The following ARID3B variants were observed in gnomAD, a reference collection of about 807,000 sequenced individuals.
ARID3B encodes AT-rich interaction domain 3B, also known as AT-rich interactive domain-containing protein 3B.
ARID3B carries 10 observed loss-of-function variants against 51.9 expected under a neutral mutation model. The ratio of observed to expected loss-of-function variants is 0.19; its 90% CI spans 0.12 to 0.33. The LOEUF is 0.33. Ranked by LOEUF, ARID3B falls within the 10% of genes least tolerant of loss-of-function variation. The pLI is 1.00. For synonymous variants in ARID3B, 205 were observed against 279.5 expected (o/e 0.73, Z 2.66); for missense variants, 483 against 716.3 (o/e 0.67, Z 3.72).
intron 2 of ARID3B, among the ~76,000 whole-genome samples, chr15:74,555,785 T>C (rs1261718245): frequency 7.0e-6 from 1 of 142,380 alleles, no homozygotes; most frequent in Admixed American, 7.5e-5. Flanking sequence ...GAGCTGTATT[T>C]CTTTTTTTTT....
rs1220158981 is a variant in ARID3B at position 74,591,170 on chromosome 15, G to A, written c.901G>A (p.Ala301Thr). ...LRTQYMKYLYAYECEKKALSS... is the reference protein window; with the variant it reads ...LRTQYMKYLYTYECEKKALSS... ...CTCCAGGTACATGAAGTATCTGTAT[G>A]CCTATGAGTGTGAGAAGAAAGCCTT... The change falls in exon 6 of 9, where the codon GCC becomes ACC. Residue 301 changes from alanine (A) to threonine (T), a missense_variant. Physicochemically the swap from Ala to Thr is moderately conservative, Grantham distance 58. Transcript: ENST00000346246. The surrounding 1 kb of genome is among the most constrained non-coding windows in gnomAD (Gnocchi z 5.8). 6.2e-7 allele frequency: 1 copy of A among 1,609,188 alleles called. No homozygotes were observed. Among genetic ancestry groups the A allele is most frequent in the East Asian group, 2.2e-5 (1 of 44,722 alleles).
intron 4 of ARID3B, among the ~76,000 whole-genome samples, chr15:74,586,879 A>G (rs1250417452): frequency 2.6e-5 from 4 of 152,198 alleles, no homozygotes; most frequent in African/African-American, 9.6e-5. Context: ...AAATTCTGAG[A>G]GGGAAGAAAC....
At chr15:74,578,985 G>T (rs1218699097) in intron 4 of ARID3B, among the ~76,000 whole-genome samples, 1 of 152,212 alleles carries the variant, frequency 6.6e-6, no homozygotes, top group African/African-American at 2.4e-5. Context: ...TGAAAGGCCC[G>T]GAGACACCCA....
At position 74,598,056 on chromosome 15, in the gene ARID3B, T is replaced by A. The variant is rs1354447133; in HGVS notation, c.*2282T>A. On this transcript the variant is annotated 3_prime_UTR_variant, in exon 9 of 9. Coordinates refer to ENST00000346246, the MANE Select transcript of ARID3B (RefSeq NM_006465.4). ...CAGATGTCCTCCTGCAGCAAGTGTC[T>A]ATATGTTGTGGTTATTTTCTATCTT... The A allele has an allele frequency of 1.9e-6, 1 of 527,134 alleles. No individual in the cohort carries two copies. The highest frequency in any genetic ancestry group is 1.9e-5 in the African/African-American group (1 of 53,412). 32.7% of individuals were successfully genotyped at this position (527,134 alleles called of 1,614,324 possible). A position where few individuals can be genotyped will look rare whatever the true frequency, so the allele number is the denominator to read the frequency against.
intron 4 of ARID3B, among the ~76,000 whole-genome samples, chr15:74,584,832 A>T (rs1238750258): frequency 6.6e-6 from 1 of 152,072 alleles, no homozygotes; most frequent in Non-Finnish European, 1.5e-5. Context: ...CGGCATTCCC[A>T]CCAACAAGGG....
At chr15:74,576,708 C>T (rs1027286962) in intron 4 of ARID3B, among the ~76,000 whole-genome samples, 37 of 152,016 alleles carry the variant, frequency 2.4e-4, no homozygotes, top group Non-Finnish European at 4.3e-4. Context: ...CAGTCAGGTA[C>T]ATGAGAGCAA....
At chr15:74,580,084 G>A (rs1340261311) in intron 4 of ARID3B, among the ~76,000 whole-genome samples, 2 of 152,086 alleles carry the variant, frequency 1.3e-5, no homozygotes, top group African/African-American at 2.4e-5. Context: ...CCAGCTACTC[G>A]GGAGGCTGAG....
chr15:74,573,600 C>T (rs575322033), intron 4 of ARID3B: 2 of 236,010 alleles, frequency 8.5e-6, no homozygotes, highest in African/African-American at 4.5e-5. Flanking sequence ...AAAAGAGGCC[C>T]CTCAGGATAT....
At chr15:74,578,186 TTG>T (rs1230594228) in intron 4 of ARID3B, among the ~76,000 whole-genome samples, 1 of 151,112 alleles carries the variant, frequency 6.6e-6, no homozygotes, top group African/African-American at 2.4e-5. Flanking sequence ...TTTGTTTTTT[TTG>T]TTTTAAGCAA....
In ARID3B at chr15:74,597,940, G is replaced by T. The variant is rs1354390475; in HGVS notation, c.*2166G>T. 1.9e-6 allele frequency: 1 copy of T among 531,448 alleles called. No individual in the cohort carries two copies. The highest frequency in any genetic ancestry group is 3.7e-6 in the Non-Finnish European group (1 of 273,784). 32.9% of individuals were successfully genotyped at this position (531,448 alleles called of 1,614,324 possible). On this transcript the variant is annotated 3_prime_UTR_variant, in exon 9 of 9. Transcript: ENST00000346246. The stretch of plus-strand genomic sequence containing the variant: ...CCTGAAGGTGCCATCAGCCAGGGCA[G>T]CTCTGTCCCCTCCTGCTCTCCATCT...
intron 2 of ARID3B, among the ~76,000 whole-genome samples, chr15:74,547,346 TA>T (rs1170714453): frequency 6.6e-6 from 1 of 152,090 alleles, no homozygotes. Flanking sequence ...TATTTTTATT[TA>T]TTTTTTTGTA....
intron 2 of ARID3B, among the ~76,000 whole-genome samples, chr15:74,558,204 C>CCAGT: frequency 1.5e-5 from 1 of 66,620 alleles, no homozygotes; most frequent in African/African-American, 8.5e-5. Context: ...TTTTTGGGTA[C>CCAGT]TATTTTTTCT....
At chr15:74,582,875 T>C (rs2061766848) in intron 4 of ARID3B, among the ~76,000 whole-genome samples, 1 of 152,088 alleles carries the variant, frequency 6.6e-6, no homozygotes. Flanking sequence ...CATAGTCACA[T>C]ATCGGAACAC....
Position 74,547,526 on chromosome 15 carries a change from TC to T in ARID3B, c.552+3039del, listed in dbSNP as rs369335240. Among the ~76,000 whole-genome samples, 96 of 152,300 alleles carry T rather than the reference TC, an allele frequency of 6.3e-4. 1 individual carries two copies. The highest frequency in any genetic ancestry group is 1.0e-3 in the Admixed American group (16 of 15,288). ...TAATGTGATACAGTGTCCATCTTGT[TC>T]TTTTGAACAACAAACTTTTACAGAG... is the stretch of plus-strand genomic sequence containing the variant. On this transcript the variant is annotated intron_variant, in intron 2 of 8. Coordinates refer to ENST00000346246, the MANE Select transcript of ARID3B (RefSeq NM_006465.4).
At chr15:74,554,415 G>T (rs571865361) in intron 2 of ARID3B, among the ~76,000 whole-genome samples, 1 of 152,008 alleles carries the variant, frequency 6.6e-6, no homozygotes, top group Non-Finnish European at 1.5e-5. Context: ...CAGCCCTCCC[G>T]CCTCAGCCTC....
chr15:74,542,210 T>C (rs1596247036), intron 1 of ARID3B, among the ~76,000 whole-genome samples: 1 of 152,260 alleles, frequency 6.6e-6, no homozygotes, highest in East Asian at 1.9e-4. Context: ...AATTATTTGC[T>C]TTATTCTGTA....
intron 2 of ARID3B, among the ~76,000 whole-genome samples, chr15:74,566,303 T>C (rs2061698010): frequency 1.3e-5 from 2 of 152,096 alleles, no homozygotes; most frequent in African/African-American, 2.4e-5. Flanking sequence ...TTACTTGTAA[T>C]TGAAAGACTA....
At chr15:74,577,861 G>A (rs140410884) in intron 4 of ARID3B, among the ~76,000 whole-genome samples, 1 of 151,880 alleles carries the variant, frequency 6.6e-6, no homozygotes, top group Non-Finnish European at 1.5e-5. Context: ...TTAATCATGT[G>A]AGGCTTGCTG....
rs1173618805 is a variant in ARID3B, at chr15:74,544,193, A to G, written c.257A>G (p.Asn86Ser). The G allele has an allele frequency of 6.2e-7, 1 of 1,614,044 alleles. No individual in the cohort carries two copies. Among genetic ancestry groups the G allele is most frequent in the South Asian group, 1.1e-5 (1 of 91,068 alleles). ...AAVAQVFERG[N>S]MNSEPEEEDG... Reference sequence around the variant, plus strand: ...GTGGCCCAAGTGTTTGAACGGGGCAACATGAACTCAGAGCCTGAGGAAGAG... The same window carrying G: ...GTGGCCCAAGTGTTTGAACGGGGCAGCATGAACTCAGAGCCTGAGGAAGAG... The change falls in exon 2 of 9, where the codon AAC (asparagine) becomes AGC (serine). Residue 86 changes from asparagine to serine, a missense_variant. Transcript: ENST00000346246.
Sources: allele counts gnomAD v4.1 joint callset (sites outside exome capture counted in the v4.1 genomes callset), GRCh38; gene constraint gnomAD v4.1.1; non-coding constraint Gnocchi (gnomAD v3.1); transcripts MANE v1.5; gene names NCBI Gene and HGNC (gene_info 2026-07-23, HGNC 2026-07-21).